PHLPP1: variants seen among roughly 807,000 people sequenced by gnomAD.
PHLPP1 encodes the protein PH domain and leucine rich repeat protein phosphatase 1, also known as PH domain leucine-rich repeat-containing protein phosphatase 1.
PHLPP1 carries 42 observed loss-of-function variants against 117.2 expected under a neutral mutation model. The ratio of observed to expected loss-of-function variants is 0.36; its 90% CI spans 0.28 to 0.46. The LOEUF is 0.46. PHLPP1 is among the 20% of genes least tolerant of loss of function. PHLPP1 has a pLI of 1.00. For missense variants in PHLPP1, 2,084 were observed against 2,241.9 expected (o/e 0.93, Z 1.42); for synonymous variants, 1,042 against 970.7 (o/e 1.07, Z -1.37).
At chr18:62,850,938 G>A (rs913770363) in intron 3 of PHLPP1, among the ~76,000 whole-genome samples, 2 of 152,176 alleles carry the variant, frequency 1.3e-5, no homozygotes, top group Admixed American at 6.5e-5. Context: ...TCGACGTGGA[G>A]CTCTGAGGAT....
chr18:62,955,010 G>A (rs946994530), intron 12 of PHLPP1, among the ~76,000 whole-genome samples: 1 of 152,208 alleles, frequency 6.6e-6, no homozygotes, highest in African/African-American at 2.4e-5. Flanking sequence ...GGAGGCCATA[G>A]TCTCATGGAA....
chr18:62,897,079 A>T (rs188759047), intron 6 of PHLPP1, among the ~76,000 whole-genome samples: 1 of 152,182 alleles, frequency 6.6e-6, no homozygotes, highest in African/African-American at 2.4e-5. Context: ...GAAAACCCTC[A>T]TATTCCAGAA....
intron 1 of PHLPP1, among the ~76,000 whole-genome samples, chr18:62,721,421 G>GGGGTGT (rs1419262816): frequency 1.3e-5 from 2 of 151,120 alleles, no homozygotes; most frequent in African/African-American, 4.9e-5. Flanking sequence ...TAACTTTTGA[G>GGGGTGT]GGGTGTGGGT....
At position 62,806,719 on chromosome 18, in the gene PHLPP1, T is replaced by C. The variant is rs1022372239; in HGVS notation, c.1577-23316T>C. Reference sequence around the variant, plus strand: ...TGAAATTAGATCTTCAAGGATTAGCTTGACATCTTTTTTGAAAGACATAAT... The same window carrying C: ...TGAAATTAGATCTTCAAGGATTAGCCTGACATCTTTTTTGAAAGACATAAT... On this transcript the variant is annotated intron_variant, in intron 1 of 16. Coordinates refer to ENST00000262719, the MANE Select transcript of PHLPP1 (RefSeq NM_194449.4). 3.9e-5 allele frequency among the ~76,000 whole-genome samples: 6 copies of C among 152,336 alleles called. No individual in the cohort carries two copies. In the East Asian group the frequency reaches 1.2e-3, roughly 29 times the overall value.
intron 10 of PHLPP1, among the ~76,000 whole-genome samples, chr18:62,940,022 G>A (rs1348641113): frequency 6.6e-6 from 1 of 152,064 alleles, no homozygotes; most frequent in Non-Finnish European, 1.5e-5. Context: ...GGGCCAGGGG[G>A]AGGCATGGGA....
At chr18:62,772,301 C>T (rs1455921995) in intron 1 of PHLPP1, among the ~76,000 whole-genome samples, 2 of 151,942 alleles carry the variant, frequency 1.3e-5, no homozygotes, top group African/African-American at 2.4e-5. Context: ...ATCATTATAT[C>T]GTATCATGGA....
intron 3 of PHLPP1, among the ~76,000 whole-genome samples, chr18:62,847,802 G>A (rs1833761041): frequency 1.3e-5 from 2 of 152,174 alleles, no homozygotes; most frequent in Non-Finnish European, 2.9e-5. Context: ...ATGTCCGTAG[G>A]CATTTCCAAC....
intron 10 of PHLPP1, among the ~76,000 whole-genome samples, chr18:62,927,091 T>C (rs1230705870): frequency 6.6e-6 from 1 of 151,966 alleles, no homozygotes; most frequent in African/African-American, 2.4e-5. Context: ...AAATTGGCAA[T>C]TGGATTGGTA....
At chr18:62,720,888 A>G (rs1182913583) in intron 1 of PHLPP1, among the ~76,000 whole-genome samples, 2 of 152,132 alleles carry the variant, frequency 1.3e-5, no homozygotes, top group African/African-American at 2.4e-5. Context: ...TTTCAAAAAC[A>G]GTGTTAAGGA....
At chr18:62,913,165 AG>A (rs1917006047) in intron 8 of PHLPP1, among the ~76,000 whole-genome samples, 1 of 152,204 alleles carries the variant, frequency 6.6e-6, no homozygotes, top group South Asian at 2.1e-4. Context: ...AGTGTTTACT[AG>A]GTCAGGTTCC....
At chr18:62,796,011 T>A (rs1304025301) in intron 1 of PHLPP1, among the ~76,000 whole-genome samples, 2 of 152,226 alleles carry the variant, frequency 1.3e-5, no homozygotes, top group South Asian at 2.1e-4. Flanking sequence ...CATTGACACT[T>A]GTCATTCTTT....
intron 1 of PHLPP1, among the ~76,000 whole-genome samples, chr18:62,763,464 T>A (rs991341057): frequency 2.0e-5 from 3 of 152,166 alleles, no homozygotes; most frequent in Non-Finnish European, 4.4e-5. Flanking sequence ...GGTTTTCTAG[T>A]CTCCCGTGCA....
At chr18:62,725,671 C>G (rs1911048861) in intron 1 of PHLPP1, among the ~76,000 whole-genome samples, 1 of 152,164 alleles carries the variant, frequency 6.6e-6, no homozygotes, top group Admixed American at 6.5e-5. Flanking sequence ...ATCCTGCTCT[C>G]ATTAGCAAAA....
At chr18:62,741,630 A>G (rs1388100425) in intron 1 of PHLPP1, among the ~76,000 whole-genome samples, 1 of 151,888 alleles carries the variant, frequency 6.6e-6, no homozygotes, top group East Asian at 1.9e-4. Context: ...TTGTGACTTC[A>G]AAGTAGGGAG....
At chr18:62,976,942 A>G (rs1042971065) in intron 16 of PHLPP1, among the ~76,000 whole-genome samples, 2 of 152,200 alleles carry the variant, frequency 1.3e-5, no homozygotes, top group Non-Finnish European at 2.9e-5. Flanking sequence ...AATGGAGCAG[A>G]ACTCCTGGAG....
chr18:62,824,700 A>G (rs1318113730), intron 1 of PHLPP1, among the ~76,000 whole-genome samples: 1 of 152,192 alleles, frequency 6.6e-6, no homozygotes, highest in Non-Finnish European at 1.5e-5. Flanking sequence ...AGCATTTTGC[A>G]AAAACAATTC....
chr18:62,860,634 AG>A, intron 4 of PHLPP1, 33 bp downstream of exon 4: 1 of 1,568,674 alleles, frequency 6.4e-7, no homozygotes, highest in Admixed American at 1.8e-5. Context: ...ATCATTAGGA[AG>A]GGGTGGGGGC....
chr18:62,874,986 G>A (rs1354272894), intron 4 of PHLPP1, among the ~76,000 whole-genome samples: 1 of 152,130 alleles, frequency 6.6e-6, no homozygotes, highest in Non-Finnish European at 1.5e-5. Context: ...ACGGAGTCTC[G>A]CTCTGCCACT....
chr18:62,826,360 A>G, intron 1 of PHLPP1: 1 of 320,700 alleles, frequency 3.1e-6, no homozygotes, highest in Non-Finnish European at 6.3e-6. Flanking sequence ...CACAAAATAT[A>G]AGCATCTATT....
Sources: allele counts gnomAD v4.1 joint callset (sites outside exome capture counted in the v4.1 genomes callset), GRCh38; gene constraint gnomAD v4.1.1; transcripts MANE v1.5; gene names NCBI Gene and HGNC (gene_info 2026-07-23, HGNC 2026-07-21).